Variants in EYS observed in about 807,000 individuals in gnomAD.
EYS encodes protein eyes shut homolog.
A neutral mutation model predicts 282.1 loss-of-function variants in EYS; 250 were observed. The observed-to-expected ratio is 0.89, with a 90% CI of 0.80 to 0.98. EYS has a LOEUF of 0.98. Among genes scored for constraint, EYS ranks in the 50% least tolerant of loss-of-function variants. EYS has a pLI of 0.00. For missense variants in EYS, 4,016 were observed against 3,709.0 expected (o/e 1.08, Z -2.15); for synonymous variants, 1,355 against 1,282.9 (o/e 1.06, Z -1.20).
At chr6:64,777,244 AG>A (rs1773708166) in intron 22 of EYS, among the ~76,000 whole-genome samples, 3 of 152,182 alleles carry the variant, frequency 2.0e-5, no homozygotes, top group Admixed American at 6.6e-5. Flanking sequence ...AAAATAGACA[AG>A]GCAGACTGTT....
intron 25 of EYS, 104 bp downstream of exon 25, chr6:64,593,013 T>C (rs1582932106): frequency 6.5e-6 from 5 of 771,082 alleles, no homozygotes; most frequent in South Asian, 2.5e-5. Context: ...CTAAAAATCA[T>C]GTATCTCAGA....
intron 33 of EYS, among the ~76,000 whole-genome samples, chr6:64,004,239 T>C (rs1302387336): frequency 1.3e-5 from 2 of 152,164 alleles, no homozygotes; most frequent in Admixed American, 6.5e-5. Flanking sequence ...TCCTATCTAC[T>C]GAGTTTTAAA....
intron 35 of EYS, among the ~76,000 whole-genome samples, chr6:63,947,912 A>G (rs1341048977): frequency 1.3e-5 from 2 of 151,420 alleles, no homozygotes; most frequent in African/African-American, 4.9e-5. Flanking sequence ...ATTTAGGCCA[A>G]TATAGCAAGG....
chr6:65,320,739 G>A (rs992336583), intron 11 of EYS, among the ~76,000 whole-genome samples: 1 of 152,212 alleles, frequency 6.6e-6, no homozygotes, highest in Non-Finnish European at 1.5e-5. Context: ...TAGCTGCAGA[G>A]GTGCAGGTTA....
chr6:65,503,112 T>C (rs1329775649), intron 2 of EYS, among the ~76,000 whole-genome samples: 2 of 151,736 alleles, frequency 1.3e-5, no homozygotes, highest in African/African-American at 4.8e-5. Context: ...GGAGTTATTA[T>C]TACTTTGCAT....
intron 35 of EYS, among the ~76,000 whole-genome samples, chr6:63,936,249 G>A (rs552600896): frequency 1.3e-5 from 2 of 152,262 alleles, no homozygotes; most frequent in South Asian, 4.1e-4. Context: ...GATCCTGATT[G>A]CTGGCGGATA....
intron 8 of EYS, among the ~76,000 whole-genome samples, chr6:65,372,856 GT>G (rs557814675): frequency 1.3e-5 from 2 of 151,646 alleles, no homozygotes; most frequent in African/African-American, 4.8e-5. Flanking sequence ...GACCTACAGG[GT>G]TTTTTTATCT....
intron 12 of EYS, among the ~76,000 whole-genome samples, chr6:65,194,432 T>G (rs987236065): frequency 6.6e-6 from 1 of 151,968 alleles, no homozygotes; most frequent in African/African-American, 2.4e-5. Context: ...ATTAAAATAC[T>G]AATGTATTAT....
At position 65,367,464 on chromosome 6, in the gene EYS, CAT is replaced by C. The variant is rs572253650; in HGVS notation, c.1300-13849_1300-13848del. 2.9e-3 allele frequency among the ~76,000 whole-genome samples: 447 copies of C among 151,640 alleles called. 6 individuals carry two copies. The highest frequency in any genetic ancestry group is 0.01 in the African/African-American group (434 of 41,460). On this transcript the variant is annotated intron_variant, in intron 8 of 42. Transcript: ENST00000503581. ...TTTCCTGTTTCAGCACTAGTAAAGA[CAT>C]AGTGACATTCTCAATTTCTCTAAGA...
intron 4 of EYS, among the ~76,000 whole-genome samples, chr6:65,493,225 A>G (rs1766113879): frequency 1.3e-5 from 2 of 152,112 alleles, no homozygotes; most frequent in South Asian, 4.1e-4. Flanking sequence ...CTCCCATTAC[A>G]TGTTATCACA....
intron 12 of EYS, among the ~76,000 whole-genome samples, chr6:65,240,138 TTTTG>T (rs1767021928): frequency 6.6e-6 from 1 of 151,904 alleles, no homozygotes; most frequent in South Asian, 2.1e-4. Flanking sequence ...CCAGCTAATT[TTTTG>T]TATTTTTAGT....
chr6:64,700,382 A>G (rs1325320654), intron 22 of EYS, among the ~76,000 whole-genome samples: 1 of 152,118 alleles, frequency 6.6e-6, no homozygotes, highest in Non-Finnish European at 1.5e-5. Flanking sequence ...AGTCTTAGCC[A>G]GAGCAATCAG....
chr6:64,438,361 A>T (rs572227142), intron 27 of EYS, among the ~76,000 whole-genome samples: 13 of 151,828 alleles, frequency 8.6e-5, no homozygotes, highest in Non-Finnish European at 1.3e-4. Context: ...ATAAAATGAT[A>T]CATTAGCGAT....
intron 14 of EYS, among the ~76,000 whole-genome samples, chr6:64,987,253 G>A (rs1156231353): frequency 6.6e-6 from 1 of 151,448 alleles, no homozygotes; most frequent in Non-Finnish European, 1.5e-5. Context: ...AAGCTTCCAT[G>A]CAGATAAGCA....
At chr6:65,265,752 G>A (rs1187976495) in intron 12 of EYS, among the ~76,000 whole-genome samples, 2 of 151,916 alleles carry the variant, frequency 1.3e-5, no homozygotes, top group African/African-American at 4.8e-5. Flanking sequence ...AACTTACAGA[G>A]TAAGGATATG....
chr6:65,468,067 G>A (rs753599658), intron 5 of EYS, among the ~76,000 whole-genome samples: 2 of 152,020 alleles, frequency 1.3e-5, no homozygotes, highest in Non-Finnish European at 2.9e-5. Flanking sequence ...TCTCTGTTGG[G>A]TTTATACCAG....
At chr6:63,728,133 CAA>C (rs1405103456) in intron 41 of EYS, among the ~76,000 whole-genome samples, 4 of 151,926 alleles carry the variant, frequency 2.6e-5, no homozygotes, top group African/African-American at 7.3e-5. Flanking sequence ...ATAAGACAAA[CAA>C]TATAAAAGTG....
At chr6:63,836,257 C>T (rs531749126) in intron 36 of EYS, among the ~76,000 whole-genome samples, 6 of 151,994 alleles carry the variant, frequency 3.9e-5, no homozygotes, top group Admixed American at 3.9e-4. Flanking sequence ...GTGAAAGAAG[C>T]CAATTACAAA....
intron 26 of EYS, among the ~76,000 whole-genome samples, chr6:64,551,437 A>C (rs1473675985): frequency 6.6e-6 from 1 of 151,938 alleles, no homozygotes; most frequent in African/African-American, 2.4e-5. Context: ...CTGGGTGTCA[A>C]ATCAATTCAG....
Sources: gnomAD v4.1 joint callset for allele counts (sites outside exome capture counted in the v4.1 genomes callset) on GRCh38, gnomAD v4.1.1 for gene constraint, MANE v1.5 for transcripts, NCBI Gene and HGNC (gene_info 2026-07-23, HGNC 2026-07-21) for gene names.